MARCHF1: variants seen among roughly 807,000 people sequenced by gnomAD.
MARCHF1 encodes the protein E3 ubiquitin-protein ligase MARCHF1.
Under a neutral mutation model 54.2 loss-of-function variants are expected in MARCHF1, and 40 were observed. That is an observed-to-expected ratio of 0.74 (90% CI 0.57 to 0.96). The LOEUF is 0.96. Among genes scored for constraint, MARCHF1 ranks in the 40% least tolerant of loss-of-function variants. The pLI is 0.00. For synonymous variants in MARCHF1, 236 were observed against 236.3 expected, an observed-to-expected ratio of 1.00 and a Z score of 0.01; for missense variants, 586 against 656.5, an observed-to-expected ratio of 0.89 and a Z score of 1.17.
chr4:164,257,715 C>A (rs187845766), intron 1 of MARCHF1, among the ~76,000 whole-genome samples: 55 of 152,118 alleles, frequency 3.6e-4, no homozygotes, highest in African/African-American at 1.3e-3. Context: ...CGCCTGTAAT[C>A]CAAGCACATT....
At chr4:164,054,305 G>A (rs1276197268) in intron 2 of MARCHF1, among the ~76,000 whole-genome samples, 2 of 152,120 alleles carry the variant, frequency 1.3e-5, no homozygotes, top group Admixed American at 6.5e-5. Flanking sequence ...GGAGAAATAG[G>A]AACACTTTGA....
At chr4:164,087,965 G>A (rs1755224744) in intron 2 of MARCHF1, among the ~76,000 whole-genome samples, 1 of 152,114 alleles carries the variant, frequency 6.6e-6, no homozygotes, top group Admixed American at 6.5e-5. Flanking sequence ...TTGAAATAGA[G>A]CAGAAATTTG....
chr4:163,792,658 A>G (rs1747802804), intron 4 of MARCHF1, among the ~76,000 whole-genome samples: 1 of 152,232 alleles, frequency 6.6e-6, no homozygotes, highest in Non-Finnish European at 1.5e-5. Context: ...ACTGAAGAGT[A>G]AAACATAATC....
At chr4:163,762,508 A>G (rs1384012245) in intron 4 of MARCHF1, among the ~76,000 whole-genome samples, 1 of 152,112 alleles carries the variant, frequency 6.6e-6, no homozygotes. Context: ...TGATTGTCCA[A>G]ATTCCTTTGT....
At chr4:164,329,072 G>A (rs1048692520) in intron 1 of MARCHF1, among the ~76,000 whole-genome samples, 7 of 151,958 alleles carry the variant, frequency 4.6e-5, no homozygotes, top group African/African-American at 1.2e-4. Flanking sequence ...TCTACATCTC[G>A]TTACTGGAGA....
At chr4:163,968,115 C>G (rs1355282127) in intron 3 of MARCHF1, among the ~76,000 whole-genome samples, 1 of 151,978 alleles carries the variant, frequency 6.6e-6, no homozygotes, top group Non-Finnish European at 1.5e-5. Flanking sequence ...CAAGAAAAAC[C>G]CTCTTAGTTG....
chr4:163,613,739 T>C (rs1741427690), intron 5 of MARCHF1: 4 of 340,536 alleles, frequency 1.2e-5, no homozygotes, highest in South Asian at 2.4e-4. Context: ...CTATGATACA[T>C]GGACTAAAGC....
At chr4:164,080,646 T>C (rs989308148) in intron 2 of MARCHF1, among the ~76,000 whole-genome samples, 12 of 149,280 alleles carry the variant, frequency 8.0e-5, no homozygotes, top group Non-Finnish European at 1.5e-4. Flanking sequence ...AATAGTATTC[T>C]ATTGTGTGTG....
At chr4:163,975,186 T>TCACACACA (rs1472424520) in intron 3 of MARCHF1, among the ~76,000 whole-genome samples, 1 of 135,206 alleles carries the variant, frequency 7.4e-6, no homozygotes, top group African/African-American at 3.4e-5. Flanking sequence ...TCTCTCTCTC[T>TCACACACA]CTCTCTCTCT....
chr4:164,208,561 G>T (rs1228196568), intron 1 of MARCHF1, among the ~76,000 whole-genome samples: 1 of 152,144 alleles, frequency 6.6e-6, no homozygotes. Flanking sequence ...GCCTATAGGA[G>T]GAATAAGTGC....
chr4:164,004,307 A>C (rs1387505247), intron 2 of MARCHF1, among the ~76,000 whole-genome samples: 1 of 151,990 alleles, frequency 6.6e-6, no homozygotes, highest in Non-Finnish European at 1.5e-5. Flanking sequence ...AATACAATGA[A>C]ACAATAATAA....
At chr4:163,882,897 A>G (rs547281484) in intron 3 of MARCHF1, among the ~76,000 whole-genome samples, 1 of 152,268 alleles carries the variant, frequency 6.6e-6, no homozygotes, top group East Asian at 1.9e-4. Context: ...GGATCACCTG[A>G]GCCCACAAGG....
chr4:164,110,669 A>G (rs1016439025), intron 2 of MARCHF1, among the ~76,000 whole-genome samples: 1 of 150,332 alleles, frequency 6.7e-6, no homozygotes, highest in East Asian at 1.9e-4. Context: ...CGATACAATC[A>G]TATTTTTTTT....
In MARCHF1 at chr4:163,748,984, C is replaced by T. The variant is rs1016010915; in HGVS notation, c.112-48121G>A. Among the ~76,000 whole-genome samples, 12 of 152,340 alleles carry T rather than the reference C, an allele frequency of 7.9e-5. 1 individual carries two copies. The highest frequency in any genetic ancestry group is 2.6e-4 in the African/African-American group (11 of 41,578). On this transcript the variant is annotated intron_variant, in intron 4 of 9. Coordinates refer to ENST00000514618, the MANE Select transcript of MARCHF1 (RefSeq NM_001394959.1). ...GTGAACGTGTAAGGGTCAAGAGCTA[C>T]ATATGATTGCCTTTTCTAACAGGTG...
chr4:164,100,336 T>G (rs1333429104), intron 2 of MARCHF1, among the ~76,000 whole-genome samples: 2 of 152,248 alleles, frequency 1.3e-5, no homozygotes, highest in Non-Finnish European at 2.9e-5. Context: ...CTTTTGACGG[T>G]ATGTGGTATA....
At chr4:164,210,146 A>ATATTCACT (rs1731723719) in intron 1 of MARCHF1, among the ~76,000 whole-genome samples, 1 of 152,208 alleles carries the variant, frequency 6.6e-6, no homozygotes, top group Admixed American at 6.5e-5. Context: ...ATAGTACGGA[A>ATATTCACT]TATTCACTGG....
chr4:164,344,088 C>T (rs1431815847), intron 1 of MARCHF1, among the ~76,000 whole-genome samples: 2 of 152,098 alleles, frequency 1.3e-5, no homozygotes, highest in African/African-American at 4.8e-5. Context: ...ATGGATGGTG[C>T]TGGAGGCCAC....
intron 2 of MARCHF1, among the ~76,000 whole-genome samples, chr4:164,058,327 G>A (rs534665194): frequency 2.6e-5 from 4 of 152,152 alleles, no homozygotes; most frequent in Admixed American, 6.5e-5. Flanking sequence ...GAAAGCCAAT[G>A]TCCACTGATG....
intron 1 of MARCHF1, among the ~76,000 whole-genome samples, chr4:164,176,365 C>T (rs1406159092): frequency 2.0e-5 from 3 of 152,132 alleles, no homozygotes; most frequent in African/African-American, 7.2e-5. Flanking sequence ...TATTTAGTAT[C>T]ATACAGCACT....
Sources: gnomAD v4.1 joint callset for allele counts (sites outside exome capture counted in the v4.1 genomes callset) on GRCh38, gnomAD v4.1.1 for gene constraint, MANE v1.5 for transcripts, NCBI Gene and HGNC (gene_info 2026-07-23, HGNC 2026-07-21) for gene names.